Variants in DCHS2 observed in about 807,000 individuals in gnomAD.
DCHS2 encodes the protein protocadherin-23.
In DCHS2, 142 loss-of-function variants were observed where a neutral mutation model predicts 182.4. The ratio of observed to expected loss-of-function variants is 0.78; its 90% CI spans 0.68 to 0.89. DCHS2 has a LOEUF of 0.89. Among genes scored for constraint, DCHS2 ranks in the 40% least tolerant of loss-of-function variants. The probability of loss-of-function intolerance (pLI) is 0.00; values close to 1 mark genes in which losing one functional copy is unlikely to be tolerated. For synonymous variants in DCHS2, 1,740 were observed against 1,663.3 expected (o/e 1.05, Z -1.12); for missense variants, 4,319 against 4,198.6 (o/e 1.03, Z -0.79).
chr4:154,331,716 T>C, intron 5 of DCHS2: 4 of 1,609,976 alleles, frequency 2.5e-6, no homozygotes, highest in Non-Finnish European at 3.4e-6. Context: ...CTGCTGGACC[T>C]GCACAAAAAG....
At chr4:154,255,479 C>A in intron 16 of DCHS2, 40 bp downstream of exon 16, 2 of 1,580,138 alleles carry the variant, frequency 1.3e-6, no homozygotes, top group Non-Finnish European at 1.7e-6. Flanking sequence ...AGTAAGCAGG[C>A]AGAATAAATG....
intron 16 of DCHS2, among the ~76,000 whole-genome samples, chr4:154,243,478 G>A (rs748154990): frequency 7.9e-5 from 12 of 152,074 alleles, no homozygotes; most frequent in Non-Finnish European, 1.6e-4. Context: ...CCCTTCCAAT[G>A]TTCAACTAAT....
intron 13 of DCHS2, among the ~76,000 whole-genome samples, chr4:154,286,004 C>T (rs1734377536): frequency 6.6e-6 from 1 of 152,110 alleles, no homozygotes; most frequent in Non-Finnish European, 1.5e-5. Flanking sequence ...CCTTCCACAG[C>T]TTCAGGCAGC....
chr4:154,307,786 A>C (rs1237491562), intron 10 of DCHS2, among the ~76,000 whole-genome samples: 1 of 152,136 alleles, frequency 6.6e-6, no homozygotes, highest in Non-Finnish European at 1.5e-5. Flanking sequence ...CCAGGTGTCC[A>C]TAATCACCCC....
rs1003031443 is a variant in DCHS2 at position 154,233,798 on chromosome 4, T to A, written c.*738A>T. On this transcript the variant is annotated 3_prime_UTR_variant, in exon 20 of 20. Transcript: ENST00000357232. ...GCAAACCACATAAATATTGCGAGTA[T>A]CAATCCTGGCCCTCTATCAGGAACA... 2 of 152,176 alleles carry A rather than the reference T, an allele frequency of 1.3e-5. No homozygotes were observed. Among genetic ancestry groups the A allele is most frequent in the African/African-American group, 4.8e-5 (2 of 41,448 alleles). The allele number at this position is 152,176 out of a possible 1,614,324, so 9.4% of individuals were successfully genotyped here. A position where few individuals can be genotyped will look rare whatever the true frequency, so the allele number is the denominator to read the frequency against.
Position 154,333,628 on chromosome 4 carries a change from T to C in DCHS2, c.2714-134A>G, listed in dbSNP as rs944754649. On this transcript the variant is annotated intron_variant, in intron 4 of 19. Transcript: ENST00000357232. ...CAATGATGGATCACATATACTATGA[T>C]GGTTCCGTAAGATTCTGACACCGTA... 3.5e-6 allele frequency: 3 copies of C among 855,526 alleles called. No individual in the cohort carries two copies. The Admixed American group carries it at 8.7e-5, about 25-fold the overall frequency. The allele number at this position is 855,526 out of a possible 1,614,324, so 53.0% of individuals were successfully genotyped here. A position where few individuals can be genotyped will look rare whatever the true frequency, so the allele number is the denominator to read the frequency against.
At position 154,236,009 on chromosome 4, in the gene DCHS2, A is replaced by C. The variant is rs1158279126; in HGVS notation, c.8643T>G (p.Thr2881=). ...GGAGGGTGAAAAAATACTGATCTTG[A>C]GTGAAAATGGGCTCAAATTCATCTA... ...EGIDEFEPIF[T]QDQYFFTLPE... The change falls in exon 20 of 20, where the codon ACT becomes ACG. Residue 2881 remains threonine (T), a synonymous_variant. Coordinates refer to ENST00000357232, the MANE Select transcript of DCHS2 (RefSeq NM_001358235.2). 1 of 1,613,998 alleles carries C rather than the reference A, an allele frequency of 6.2e-7. No individual in the cohort carries two copies.
chr4:154,391,775 A>C (rs1731717840), intron 1 of DCHS2, among the ~76,000 whole-genome samples: 1 of 152,192 alleles, frequency 6.6e-6, no homozygotes, highest in African/African-American at 2.4e-5. Context: ...CCTGTACTCC[A>C]TCAATGTGAA....
intron 3 of DCHS2, among the ~76,000 whole-genome samples, chr4:154,352,886 T>C (rs1435748263): frequency 6.6e-6 from 1 of 152,052 alleles, no homozygotes; most frequent in Non-Finnish European, 1.5e-5. Context: ...TCAGAGCCAT[T>C]TGAGGGTAGG....
intron 3 of DCHS2, among the ~76,000 whole-genome samples, chr4:154,336,710 A>T (rs1357874225): frequency 2.6e-5 from 4 of 152,178 alleles, no homozygotes; most frequent in Non-Finnish European, 5.9e-5. Flanking sequence ...CTCTAAACAC[A>T]TACTCATTTT....
intron 1 of DCHS2, among the ~76,000 whole-genome samples, chr4:154,427,873 T>C (rs1235061769): frequency 6.6e-6 from 1 of 152,230 alleles, no homozygotes; most frequent in Non-Finnish European, 1.5e-5. Flanking sequence ...CACATAGGAA[T>C]GTTGTGATTG....
At chr4:154,450,357 C>T (rs1293851560) in intron 1 of DCHS2, among the ~76,000 whole-genome samples, 2 of 152,218 alleles carry the variant, frequency 1.3e-5, no homozygotes, top group African/African-American at 4.8e-5. Flanking sequence ...CTTGCTTGGA[C>T]TGTGCATCTT....
chr4:154,255,408 A>G, intron 16 of DCHS2, 111 bp downstream of exon 16: 1 of 1,389,624 alleles, frequency 7.2e-7, no homozygotes. Flanking sequence ...GATCAAAGGG[A>G]TAACACATTT....
intron 1 of DCHS2, among the ~76,000 whole-genome samples, chr4:154,420,246 C>CAGATAGATAGATAGAT (rs35709774): frequency 1.7e-3 from 248 of 144,840 alleles, no homozygotes; most frequent in East Asian, 4.7e-3. Context: ...GACAGACAGA[C>CAGATAGATAGATAGAT]AGATAGATAG....
chr4:154,266,490 A>T (rs866909442), intron 14 of DCHS2, among the ~76,000 whole-genome samples: 1 of 151,996 alleles, frequency 6.6e-6, no homozygotes, highest in Admixed American at 6.6e-5. Flanking sequence ...CCCCGTCTCT[A>T]AAAAAATTAC....
intron 3 of DCHS2, among the ~76,000 whole-genome samples, chr4:154,348,880 G>A (rs535429126): frequency 2.7e-4 from 41 of 152,052 alleles, no homozygotes; most frequent in African/African-American, 8.7e-4. Context: ...AGCAGGAGGC[G>A]TATGGTAAGG....
At chr4:154,282,859 G>A (rs541857675) in intron 13 of DCHS2, among the ~76,000 whole-genome samples, 68 of 152,174 alleles carry the variant, frequency 4.5e-4, no homozygotes, top group South Asian at 8.3e-4. Flanking sequence ...TAAAAAGAAG[G>A]AAATGAAAAT....
At chr4:154,345,798 A>G (rs1729333727) in intron 3 of DCHS2, among the ~76,000 whole-genome samples, 1 of 152,268 alleles carries the variant, frequency 6.6e-6, no homozygotes, top group South Asian at 2.1e-4. Flanking sequence ...ATTAATTAAC[A>G]AATAAACAAA....
Position 154,491,226 on chromosome 4 carries a change from G to A in DCHS2, c.130C>T (p.Gln44Ter). 6.4e-7 allele frequency: 1 copy of A among 1,551,382 alleles called. No individual in the cohort carries two copies. The highest frequency in any genetic ancestry group is 8.7e-7 in the Non-Finnish European group (1 of 1,146,948). The stretch of plus-strand genomic sequence containing the variant: ...ACCAAGAGCCAGAGCAGGGAGCGCT[G>A]CGTCCTGGCGCCGCTGCTGCCTGAC... ...GRSGSSGART[Q>*]RSLLWLLVHV... The change falls in exon 1 of 20, where the codon CAG (glutamine) becomes TAG (stop). Residue 44 changes from glutamine (Q) to a stop codon, truncating the protein, a stop_gained. Transcript: ENST00000357232. LOFTEE classifies it high-confidence loss of function.
Sources: allele counts gnomAD v4.1 joint callset (sites outside exome capture counted in the v4.1 genomes callset), GRCh38; gene constraint gnomAD v4.1.1; transcripts MANE v1.5; gene names NCBI Gene and HGNC (gene_info 2026-07-23, HGNC 2026-07-21).